The following RBFOX2 variants were observed in gnomAD, a reference collection of about 807,000 sequenced individuals.
RBFOX2 encodes RNA binding fox-1 homolog 2.
Under a neutral mutation model 49.1 loss-of-function variants are expected in RBFOX2, and 10 were observed. That is an observed-to-expected ratio of 0.20 (90% CI 0.13 to 0.35). The LOEUF is 0.35. Among genes scored for constraint, RBFOX2 ranks in the 10% least tolerant of loss-of-function variants. The pLI, the probability that RBFOX2 is intolerant of heterozygous loss-of-function variation, is 1.00. For missense variants in RBFOX2, 323 were observed against 486.9 expected (o/e 0.66, Z 3.17); for synonymous variants, 183 against 187.4 (o/e 0.98, Z 0.19).
chr22:35,962,161 G>A (rs1373173042), upstream of RBFOX2, among the ~76,000 whole-genome samples: 1 of 152,222 alleles, frequency 6.6e-6, no homozygotes, highest in East Asian at 1.9e-4. Context: ...CCTCAAGGCA[G>A]AAAAGTCTTT....
At chr22:35,906,863 T>G (rs546842546) in intron 1 of RBFOX2, among the ~76,000 whole-genome samples, 2 of 152,302 alleles carry the variant, frequency 1.3e-5, no homozygotes, top group South Asian at 4.1e-4. Flanking sequence ...CTATACCATT[T>G]GAATTTCCAT....
chr22:35,840,631 C>A, upstream of RBFOX2: 1 of 1,005,626 alleles, frequency 9.9e-7, no homozygotes, highest in Non-Finnish European at 1.2e-6. Flanking sequence ...TGCGTGTGTG[C>A]GTGTGTGTGT....
At chr22:35,952,578 T>G (rs1006144346) in intron 1 of RBFOX2, among the ~76,000 whole-genome samples, 23 of 152,196 alleles carry the variant, frequency 1.5e-4, no homozygotes, top group African/African-American at 4.3e-4. Context: ...TTTCATTTAG[T>G]GCTGAAGTGA....
intron 1 of RBFOX2, among the ~76,000 whole-genome samples, chr22:35,983,929 T>C (rs2057582695): frequency 6.6e-6 from 1 of 152,196 alleles, no homozygotes; most frequent in Non-Finnish European, 1.5e-5. Context: ...CTGTAAGATT[T>C]CCAATCTCTG....
At chr22:35,959,705 A>C (rs1385545279) in intron 1 of RBFOX2, among the ~76,000 whole-genome samples, 1 of 152,188 alleles carries the variant, frequency 6.6e-6, no homozygotes, top group Non-Finnish European at 1.5e-5. Context: ...CGATCATTTG[A>C]ATCACCTGGG....
Position 35,839,148 on chromosome 22 carries a change from A to C in RBFOX2, c.27+1044T>G, listed in dbSNP as rs146358011. Among the ~76,000 whole-genome samples the C allele has an allele frequency of 1.6e-4, 25 of 152,378 alleles. No homozygotes were observed. In the East Asian group the frequency reaches 4.1e-3, roughly 25 times the overall value. ...AAACTGATCTTAAGTCTGAGACTAA[A>C]GGATTTGAATGTCCTACAGTGTAAA... On this transcript the variant is annotated intron_variant, in intron 1 of 11. Transcript: ENST00000405409.
intron 1 of RBFOX2, among the ~76,000 whole-genome samples, chr22:35,898,898 G>A (rs912571275): frequency 3.3e-5 from 5 of 152,004 alleles, no homozygotes; most frequent in Non-Finnish European, 1.5e-5. Context: ...AGGCCGAGGC[G>A]GGCAGATCAC....
At chr22:35,826,084 A>G (rs980161843) in intron 1 of RBFOX2, among the ~76,000 whole-genome samples, 2 of 149,896 alleles carry the variant, frequency 1.3e-5, no homozygotes, top group African/African-American at 4.9e-5. Flanking sequence ...GCTCACGCCT[A>G]TAATCCCAGC....
chr22:35,745,900 G>C, intron 11 of RBFOX2, 23 bp downstream of exon 13: 5 of 1,591,866 alleles, frequency 3.1e-6, no homozygotes, highest in Non-Finnish European at 4.3e-6. Context: ...GTTTTATAAA[G>C]CAATGGTATA....
intron 1 of RBFOX2, among the ~76,000 whole-genome samples, chr22:35,835,909 A>T (rs1957568658): frequency 6.6e-6 from 1 of 152,200 alleles, no homozygotes; most frequent in Admixed American, 6.5e-5. Context: ...AATGTAGAAG[A>T]ATTCAGAAAG....
At chr22:36,004,749 T>C (rs887835648) in intron 1 of RBFOX2, among the ~76,000 whole-genome samples, 4 of 151,770 alleles carry the variant, frequency 2.6e-5, no homozygotes, top group African/African-American at 9.7e-5. Flanking sequence ...TGAGCCAAGA[T>C]CACACCATTG....
rs138012869 is a variant in RBFOX2, at chr22:35,760,521, A to C, written c.755-501T>G. On this transcript the variant is annotated intron_variant, in intron 8 of 11. Transcript: ENST00000405409. ...ATGGTACCAACCTCTAAGGCACATA[A>C]TAGTCTTTAGACATTTCATTTCATT... Among the ~76,000 whole-genome samples the C allele has an allele frequency of 2.2e-4, 33 of 152,350 alleles. No individual in the cohort carries two copies. In the East Asian group the frequency reaches 6.4e-3, roughly 29 times the overall value.
intron 1 of RBFOX2, among the ~76,000 whole-genome samples, chr22:35,959,572 T>C (rs2055973465): frequency 6.6e-6 from 1 of 152,220 alleles, no homozygotes; most frequent in Middle Eastern, 3.2e-3. Context: ...CTTGTTAAAA[T>C]GTAGATTCTG....
chr22:36,018,866 A>G (rs1807674), intron 1 of RBFOX2, among the ~76,000 whole-genome samples: 133,725 of 152,062 alleles, frequency 0.88, 58,989 homozygotes, highest in East Asian at 1. Flanking sequence ...TGCCCGCCTC[A>G]GCCTCCCAAA....
intron 1 of RBFOX2, among the ~76,000 whole-genome samples, chr22:35,947,152 AC>A (rs995104430): frequency 3.3e-5 from 5 of 152,116 alleles, no homozygotes; most frequent in African/African-American, 1.2e-4. Context: ...AGATCGTGCC[AC>A]TGCACTCCAG....
intron 1 of RBFOX2, among the ~76,000 whole-genome samples, chr22:35,850,681 G>T (rs1176304199): frequency 6.6e-6 from 1 of 152,068 alleles, no homozygotes; most frequent in South Asian, 2.1e-4. Context: ...TTCTATAACA[G>T]ATATTAAAAG....
chr22:35,786,639 C>T (rs954894287), intron 2 of RBFOX2, among the ~76,000 whole-genome samples: 3 of 152,122 alleles, frequency 2.0e-5, no homozygotes, highest in African/African-American at 7.2e-5. Flanking sequence ...TGAGCCACAG[C>T]GCCTGGCCTG....
At chr22:35,891,158 T>A (rs528474302) in intron 1 of RBFOX2, among the ~76,000 whole-genome samples, 2 of 152,284 alleles carry the variant, frequency 1.3e-5, no homozygotes, top group African/African-American at 4.8e-5. Context: ...GGGCACACTA[T>A]GTCTTCGCTC....
At chr22:35,932,605 G>A (rs749451646) in intron 1 of RBFOX2, among the ~76,000 whole-genome samples, 12 of 152,184 alleles carry the variant, frequency 7.9e-5, no homozygotes, top group Non-Finnish European at 1.3e-4. Flanking sequence ...AATGGGCCCC[G>A]CGTGGTGGTT....
Sources: gnomAD v4.1 joint callset for allele counts (sites outside exome capture counted in the v4.1 genomes callset) on GRCh38, gnomAD v4.1.1 for gene constraint, MANE v1.5 for transcripts, NCBI Gene and HGNC (gene_info 2026-07-23, HGNC 2026-07-21) for gene names.